The following CES3 variants were observed in gnomAD, a reference collection of about 807,000 sequenced individuals.
CES3 encodes the protein carboxylesterase 3.
CES3 carries 49 observed loss-of-function variants against 57.6 expected under a neutral mutation model. The ratio of observed to expected loss-of-function variants is 0.85; its 90% CI spans 0.68 to 1.08. The LOEUF is 1.08. CES3 is among the 50% of genes least tolerant of loss of function. The pLI, the probability that CES3 is intolerant of heterozygous loss-of-function variation, is 0.00. For missense variants in CES3, 645 were observed against 742.0 expected (o/e 0.87, Z 1.52); for synonymous variants, 266 against 281.6 (o/e 0.94, Z 0.55).
At position 66,966,429 on chromosome 16, in the gene CES3, T is replaced by A. The variant is rs1963733215; in HGVS notation, c.921+84T>A. The A allele has an allele frequency of 4.4e-6, 6 of 1,370,526 alleles. No homozygotes were observed. The South Asian group carries it at 6.2e-5, about 14-fold the overall frequency. 84.9% of individuals were successfully genotyped at this position (1,370,526 alleles called of 1,614,324 possible). A position where few individuals can be genotyped will look rare whatever the true frequency, so the allele number is the denominator to read the frequency against. On this transcript the variant is annotated intron_variant, in intron 7 of 12. Coordinates refer to ENST00000303334, the MANE Select transcript of CES3 (RefSeq NM_024922.6). ...CCCCTGCAGGAGCAGAGGGGCAGTC[T>A]ACCCCCAGGTGGGGCTGGGGACAGC...
At chr16:66,971,963 A>T (rs1036578628) in intron 10 of CES3, among the ~76,000 whole-genome samples, 1 of 151,244 alleles carries the variant, frequency 6.6e-6, no homozygotes, top group African/African-American at 2.4e-5. Flanking sequence ...TATTGACCCC[A>T]ATCTCTACAC....
intron 8 of CES3, among the ~76,000 whole-genome samples, chr16:66,968,679 T>A (rs559019805): frequency 6.6e-6 from 1 of 151,082 alleles, no homozygotes; most frequent in East Asian, 2.0e-4. Context: ...TTTGGGAGGC[T>A]GAGGTGAGTG....
rs1963874001 is a variant in CES3 at position 66,973,183 on chromosome 16, C to G, written c.*134C>G. The stretch of plus-strand genomic sequence containing the variant: ...CCTTAAAGTGTCGGCCGCTCTGTGA[C>G]TGGAGTTATGCTCTTTTGAAATGTC... On this transcript the variant is annotated 3_prime_UTR_variant, in exon 13 of 13. Transcript: ENST00000303334. 1.3e-6 allele frequency: 1 copy of G among 754,060 alleles called. No individual in the cohort carries two copies. Among genetic ancestry groups the G allele is most frequent in the Non-Finnish European group, 2.1e-6 (1 of 466,324 alleles). The allele number at this position is 754,060 out of a possible 1,614,324, so 46.7% of individuals were successfully genotyped here.
intron 8 of CES3, among the ~76,000 whole-genome samples, chr16:66,968,383 A>T (rs949292098): frequency 6.6e-6 from 1 of 151,834 alleles, no homozygotes; most frequent in Non-Finnish European, 1.5e-5. Context: ...GGACAGGCTG[A>T]TCTGGAACTC....
intron 11 of CES3, 60 bp from the exon 12 acceptor site, chr16:66,972,608 T>C: frequency 1.2e-6 from 2 of 1,612,996 alleles, no homozygotes; most frequent in East Asian, 2.2e-5. Context: ...CTGAGGATCC[T>C]TGGGTCCCTT....
At chr16:66,966,628 C>T (rs1963736161) in intron 7 of CES3, 97 bp from the exon 8 acceptor site, 2 of 1,488,962 alleles carry the variant, frequency 1.3e-6, no homozygotes, top group Non-Finnish European at 1.8e-6. Context: ...TCCCTCCAGG[C>T]TCAGACACTC....
In CES3 at chr16:66,973,732, A is replaced by T. The variant is rs1329312295; in HGVS notation, c.*683A>T. The T allele has an allele frequency of 6.6e-6, 1 of 152,646 alleles. No individual in the cohort carries two copies. The allele number at this position is 152,646 out of a possible 1,614,324, so 9.5% of individuals were successfully genotyped here. A position where few individuals can be genotyped will look rare whatever the true frequency, so the allele number is the denominator to read the frequency against. On this transcript the variant is annotated 3_prime_UTR_variant, in exon 13 of 13. Transcript: ENST00000303334. The stretch of plus-strand genomic sequence containing the variant: ...TAGAGCAGACCTTAGCCCCTGACTA[A>T]GGCCTCAGACTAGGGCGGGAGGGGT...
intron 9 of CES3, 33 bp downstream of exon 9, chr16:66,969,792 G>A (rs1963799497): frequency 6.3e-7 from 1 of 1,581,942 alleles, no homozygotes; most frequent in Non-Finnish European, 8.6e-7. Flanking sequence ...GGAAGCTAGG[G>A]CAGGAGGGAG....
rs773396058 is a variant in CES3 at position 66,966,242 on chromosome 16, A to G, written c.820-2A>G. ...AGGCATGACTCTTTCATTTGTCCCC[A>G]GAAAATCGCAAACACCTTGGCCTGC... On this transcript the variant is annotated splice_acceptor_variant, in intron 6 of 12. Coordinates refer to ENST00000303334, the MANE Select transcript of CES3 (RefSeq NM_024922.6). LOFTEE classifies it high-confidence loss of function. 1 of 1,612,682 alleles carries G rather than the reference A, an allele frequency of 6.2e-7. No homozygotes were observed. Among genetic ancestry groups the G allele is most frequent in the South Asian group, 1.1e-5 (1 of 91,066 alleles).
At position 66,969,754 on chromosome 16, in the gene CES3, A is replaced by G. The variant is rs1161065466; in HGVS notation, c.1138A>G (p.Ser380Gly). 1.9e-6 allele frequency: 3 copies of G among 1,611,674 alleles called. No individual in the cohort carries two copies. Among genetic ancestry groups the G allele is most frequent in the African/African-American group, 1.3e-5 (1 of 74,796 alleles). The change falls in exon 9 of 13, where the codon AGT becomes GGT. Residue 380 changes from serine (S) to glycine (G), a missense_variant. Coordinates refer to ENST00000303334, the MANE Select transcript of CES3 (RefSeq NM_024922.6). Reference protein sequence around the residue: ...MLAISTPVLTSLDVPPEMMPT... With the variant: ...MLAISTPVLTGLDVPPEMMPT... ...GGCCATCTCAACACCCGTCTTGACC[A>G]GTCTGGTGAGACAAGAGGCAGGAGG...
At chr16:66,971,581 T>C (rs1472931585) in intron 10 of CES3, among the ~76,000 whole-genome samples, 6 of 152,206 alleles carry the variant, frequency 3.9e-5, no homozygotes, top group Non-Finnish European at 7.3e-5. Context: ...GCAGGGCCTA[T>C]CACTAATTCT....
rs377736584 is a variant in CES3, at chr16:66,972,741, G to A, written c.1515G>A (p.Arg505=). 9 of 1,614,064 alleles carry A rather than the reference G, an allele frequency of 5.6e-6. No individual in the cohort carries two copies. In the African/African-American group the frequency reaches 1.1e-4, roughly 19 times the overall value. The part of the protein sequence containing the change: ...TMMAQWTHFA[R]TGDPNSKALP... Reference sequence around the variant, plus strand: ...TGGCCCAGTGGACCCACTTTGCCCGGACAGGGTGAGTGAGTGACAGGGCAT... The same window carrying A: ...TGGCCCAGTGGACCCACTTTGCCCGAACAGGGTGAGTGAGTGACAGGGCAT... The change falls in exon 12 of 13, where the codon CGG becomes CGA. Residue 505 remains arginine (R), a synonymous_variant. Coordinates refer to ENST00000303334, the MANE Select transcript of CES3 (RefSeq NM_024922.6).
chr16:66,971,025 C>T, intron 9 of CES3, 147 bp from the exon 10 acceptor site: 1 of 845,620 alleles, frequency 1.2e-6, no homozygotes. Flanking sequence ...TGCCAAACTC[C>T]CAGGGAGGCA....
chr16:66,966,929 A>G, intron 8 of CES3, 64 bp downstream of exon 8: 1 of 1,578,038 alleles, frequency 6.3e-7, no homozygotes, highest in African/African-American at 1.3e-5. Context: ...CCACCCCAGC[A>G]TCAACACTAC....
In CES3 at chr16:66,972,476, C is replaced by T. The variant is rs771104310; in HGVS notation, c.1412C>T (p.Pro471Leu). ...GAGGGTGCTTTTGTGTTCGGAGGTC[C>T]CTTCCTCATGGACGAGAGCTCCCGC... The part of the protein sequence containing the change: ...GAEGAFVFGG[P>L]FLMDESSRLA... The change falls in exon 11 of 13, where the codon CCC becomes CTC. Residue 471 changes from proline to leucine, a missense_variant. Transcript: ENST00000303334. 4.3e-5 allele frequency: 69 copies of T among 1,613,528 alleles called. No individual in the cohort carries two copies. In the Admixed American group the frequency reaches 1.1e-3, roughly 26 times the overall value.
rs1432833422 is a variant in CES3, at chr16:66,975,067, C to CA, written c.*2019dup. 2 of 152,256 alleles carry CA rather than the reference C, an allele frequency of 1.3e-5. No homozygotes were observed. Among genetic ancestry groups the CA allele is most frequent in the African/African-American group, 2.4e-5 (1 of 41,448 alleles). 9.4% of individuals were successfully genotyped at this position (152,256 alleles called of 1,614,324 possible). A position where few individuals can be genotyped will look rare whatever the true frequency, so the allele number is the denominator to read the frequency against. On this transcript the variant is annotated 3_prime_UTR_variant, in exon 13 of 13. Coordinates refer to ENST00000303334, the MANE Select transcript of CES3 (RefSeq NM_024922.6). ...AATAAAAGCAGGCTGCCTGAGCCAG[C>CA]AGTGACAACCCCCCTCGGGTCCCCT...
rs1165522573 is a variant in CES3 at position 66,973,282 on chromosome 16, C to T, written c.*233C>T. The T allele has an allele frequency of 1.7e-5, 9 of 530,382 alleles. No individual in the cohort carries two copies. The highest frequency in any genetic ancestry group is 3.3e-5 in the East Asian group (1 of 30,662). 32.9% of individuals were successfully genotyped at this position (530,382 alleles called of 1,614,324 possible). A position where few individuals can be genotyped will look rare whatever the true frequency, so the allele number is the denominator to read the frequency against. On this transcript the variant is annotated 3_prime_UTR_variant, in exon 13 of 13. Coordinates refer to ENST00000303334, the MANE Select transcript of CES3 (RefSeq NM_024922.6). ...CCTGAAGTGCCTTTCCTGCTTTCTT[C>T]GTGGTAGGTTCTAGCACATTCCTCT... is the stretch of plus-strand genomic sequence containing the variant.
At chr16:66,964,021 G>A (rs1567555632) in intron 4 of CES3, 86 bp downstream of exon 4, 11 of 1,552,094 alleles carry the variant, frequency 7.1e-6, no homozygotes, top group South Asian at 2.3e-5. Context: ...GTTGGGGTCC[G>A]GAACCTGAAG....
Position 66,961,294 on chromosome 16 carries a change from C to T in CES3, c.-14C>T, listed in dbSNP as rs375834276. 9 of 1,611,252 alleles carry T rather than the reference C, an allele frequency of 5.6e-6. No homozygotes were observed. Among genetic ancestry groups the T allele is most frequent in the African/African-American group, 5.3e-5 (4 of 74,864 alleles). On this transcript the variant is annotated 5_prime_UTR_variant, in exon 1 of 13. Transcript: ENST00000303334. ...CCACCTTCTGAAGCTTCTGTCGAAC[C>T]AGTTGTAAGGAGAATGGAGAGAGCA...
Sources: gnomAD v4.1 joint callset for allele counts (sites outside exome capture counted in the v4.1 genomes callset) on GRCh38, gnomAD v4.1.1 for gene constraint, MANE v1.5 for transcripts, NCBI Gene and HGNC (gene_info 2026-07-23, HGNC 2026-07-21) for gene names.